CERS4: variants seen among roughly 807,000 people sequenced by gnomAD.
CERS4 encodes the protein LAG1 homolog, ceramide synthase 4.
CERS4 carries 65 observed loss-of-function variants against 51.8 expected under a neutral mutation model. The observed-to-expected ratio is 1.26, with a 90% CI of 1.03 to 1.54. The LOEUF is 1.54. Among genes scored for constraint, CERS4 ranks in the 40% most tolerant of loss-of-function variants. The probability of loss-of-function intolerance (pLI) is 0.00; values close to 1 mark genes in which losing one functional copy is unlikely to be tolerated. For missense variants in CERS4, 563 were observed against 500.4 expected, an observed-to-expected ratio of 1.13 and a Z score of -1.19; for synonymous variants, 228 against 208.4, an observed-to-expected ratio of 1.09 and a Z score of -0.81.
rs771555829 is a variant in CERS4, at chr19:8,254,573, C to T, written c.248C>T (p.Thr83Met). The change falls in exon 4 of 12, where the codon ACG becomes ATG. Residue 83 changes from threonine (T) to methionine (M), a missense_variant. Transcript: ENST00000251363. ...QTRRQVKPNA[T>M]LEKHFLTEGH... ...AGGAGGCAAGTGAAGCCCAACGCCA[C>T]GCTGGAGAAACACTTCCTCACGGAA... 2.1e-5 allele frequency: 34 copies of T among 1,613,044 alleles called. No homozygotes were observed. The highest frequency in any genetic ancestry group is 1.7e-4 in the Middle Eastern group (1 of 6,002).
At chr19:8,254,856 G>A (rs910432956) in intron 4 of CERS4, among the ~76,000 whole-genome samples, 2 of 150,234 alleles carry the variant, frequency 1.3e-5, no homozygotes, top group African/African-American at 4.9e-5. Context: ...CACCCTTCCA[G>A]CCTCCCTGGG....
intron 3 of CERS4, among the ~76,000 whole-genome samples, chr19:8,254,269 G>T (rs193071136): frequency 4.7e-4 from 65 of 139,174 alleles, no homozygotes; most frequent in African/African-American, 1.8e-3. Flanking sequence ...CTTGCAGTGA[G>T]CCAAGATCGC....
intron 2 of CERS4, among the ~76,000 whole-genome samples, chr19:8,211,333 C>T (rs982677108): frequency 1.3e-5 from 2 of 152,158 alleles, no homozygotes; most frequent in African/African-American, 2.4e-5. Flanking sequence ...CTGTCCCCTT[C>T]TCTGAGCACC....
At chr19:8,248,588 GAT>G (rs1968893823) in intron 2 of CERS4, among the ~76,000 whole-genome samples, 3 of 151,520 alleles carry the variant, frequency 2.0e-5, no homozygotes, top group Non-Finnish European at 4.4e-5. Context: ...ATGATGGATG[GAT>G]GGGTGAATGG....
chr19:8,223,944 CA>C (rs1362303264), intron 2 of CERS4, among the ~76,000 whole-genome samples: 1 of 148,490 alleles, frequency 6.7e-6, no homozygotes, highest in Non-Finnish European at 1.5e-5. Flanking sequence ...ACTAAAAATA[CA>C]AAAAAAATTA....
intron 2 of CERS4, among the ~76,000 whole-genome samples, chr19:8,235,414 T>G (rs1968205764): frequency 1.3e-5 from 2 of 151,468 alleles, no homozygotes; most frequent in African/African-American, 2.4e-5. Context: ...AGGGCCATCT[T>G]TTTGCTTTTT....
chr19:8,243,600 G>T (rs143896329), intron 2 of CERS4, among the ~76,000 whole-genome samples: 1 of 151,470 alleles, frequency 6.6e-6, no homozygotes, highest in East Asian at 1.9e-4. Context: ...AATGTCAGTT[G>T]CCCCATAGCA....
At chr19:8,254,158 TAAAAAATAC>T in intron 3 of CERS4, among the ~76,000 whole-genome samples, 1 of 151,042 alleles carries the variant, frequency 6.6e-6, no homozygotes, top group South Asian at 2.1e-4. Flanking sequence ...CCGTCTCTAC[TAAAAAATAC>T]AAAAAATTAG....
chr19:8,255,865 T>C lies in CERS4; in HGVS notation c.454T>C (p.Ser152Pro). The C allele has an allele frequency of 6.2e-7, 1 of 1,613,930 alleles. No homozygotes were observed. The highest frequency in any genetic ancestry group is 8.5e-7 in the Non-Finnish European group (1 of 1,180,024). The change falls in exon 6 of 12, where the codon TCG (serine) becomes CCG (proline). Residue 152 changes from serine to proline, a missense_variant. Ser to Pro is a moderately conservative substitution (Grantham distance 74). Coordinates refer to ENST00000251363, the MANE Select transcript of CERS4 (RefSeq NM_024552.3). Reference protein sequence around the residue: ...FYLSSFVGGLSVLYHESWLWA... With the variant: ...FYLSSFVGGLPVLYHESWLWA... ...CCTGTCCTCCTTCGTGGGCGGCCTC[T>C]CGGTCCTGTACCACGTGAGTATACC...
At chr19:8,260,973 A>AAAAAC (rs1969664620) in intron 10 of CERS4, 1 of 150,804 alleles carries the variant, frequency 6.6e-6, no homozygotes. Flanking sequence ...AAAAAAAAAA[A>AAAAAC]AAAACAAGAA....
rs767508547 is a variant in CERS4, at chr19:8,261,560, G to A, written c.849-128G>A. ...CAGCTCAAGAGTGTTAGGTATCATG[G>A]GGTGGGGGGCACTAGGGAGCCATAG... On this transcript the variant is annotated intron_variant, in intron 10 of 11. Coordinates refer to ENST00000251363, the MANE Select transcript of CERS4 (RefSeq NM_024552.3). The A allele has an allele frequency of 1.5e-5, 16 of 1,047,470 alleles. No homozygotes were observed. The Admixed American group carries it at 3.0e-4, about 20-fold the overall frequency. The allele number at this position is 1,047,470 out of a possible 1,614,324, so 64.9% of individuals were successfully genotyped here.
intron 2 of CERS4, among the ~76,000 whole-genome samples, chr19:8,217,028 TG>T (rs1967329635): frequency 6.6e-6 from 1 of 152,044 alleles, no homozygotes; most frequent in South Asian, 2.1e-4. Context: ...TGCTGGAGTC[TG>T]GAAGGAGCTG....
intron 2 of CERS4, among the ~76,000 whole-genome samples, chr19:8,227,931 G>A (rs529467830): frequency 4.0e-4 from 61 of 152,104 alleles, no homozygotes; most frequent in African/African-American, 1.4e-3. Flanking sequence ...GCGTGATCTC[G>A]GCTCACCGCA....
intron 2 of CERS4, among the ~76,000 whole-genome samples, chr19:8,237,652 C>T (rs1157749917): frequency 1.3e-5 from 2 of 152,036 alleles, no homozygotes; most frequent in Non-Finnish European, 2.9e-5. Context: ...AGATTGAGAC[C>T]ATCCTGGCTA....
At chr19:8,224,533 G>A (rs1967705734) in intron 2 of CERS4, among the ~76,000 whole-genome samples, 1 of 152,158 alleles carries the variant, frequency 6.6e-6, no homozygotes, top group African/African-American at 2.4e-5. Context: ...GGAAGTGTCT[G>A]TTGAACAGAG....
At chr19:8,252,461 CAG>C (rs1484575448) in intron 3 of CERS4, among the ~76,000 whole-genome samples, 9 of 148,798 alleles carry the variant, frequency 6.0e-5, no homozygotes, top group African/African-American at 1.2e-4. Flanking sequence ...TTTTTTGAGA[CAG>C]AGTCTTGCTC....
At chr19:8,260,556 A>G (rs1350277358) in intron 10 of CERS4, among the ~76,000 whole-genome samples, 1 of 151,700 alleles carries the variant, frequency 6.6e-6, no homozygotes, top group Admixed American at 6.6e-5. Flanking sequence ...CTACAGGGAA[A>G]AGAAATAAGT....
chr19:8,242,475 C>T (rs2145252652), intron 2 of CERS4, among the ~76,000 whole-genome samples: 1 of 152,286 alleles, frequency 6.6e-6, no homozygotes, highest in South Asian at 2.1e-4. Context: ...ATGCTTCCTT[C>T]TCCAACCCTC....
At chr19:8,237,906 G>A (rs947660146) in intron 2 of CERS4, among the ~76,000 whole-genome samples, 1 of 152,134 alleles carries the variant, frequency 6.6e-6, no homozygotes, top group South Asian at 2.1e-4. Flanking sequence ...ACAGCTTCTT[G>A]CCTGTTGATT....
Sources: gnomAD v4.1 joint callset for allele counts (sites outside exome capture counted in the v4.1 genomes callset) on GRCh38, gnomAD v4.1.1 for gene constraint, MANE v1.5 for transcripts, NCBI Gene and HGNC (gene_info 2026-07-23, HGNC 2026-07-21) for gene names.